The following ZNF517 variants were observed in gnomAD, a reference collection of about 807,000 sequenced individuals.
The protein encoded by ZNF517 is zinc finger protein 517.
Under a neutral mutation model 12.1 loss-of-function variants are expected in ZNF517, and 12 were observed. The ratio of observed to expected loss-of-function variants is 0.99; its 90% CI spans 0.63 to 1.61. The LOEUF (loss-of-function observed/expected upper bound fraction) is 1.61. ZNF517 is among the 40% of genes most tolerant of loss of function. The pLI, the probability that ZNF517 is intolerant of heterozygous loss-of-function variation, is 0.00. For synonymous variants in ZNF517, 388 were observed against 310.2 expected, an observed-to-expected ratio of 1.25 and a Z score of -2.63; for missense variants, 781 against 693.2, an observed-to-expected ratio of 1.13 and a Z score of -1.42.
chr8:144,810,250 C>A, downstream of ZNF517: 1 of 658,970 alleles, frequency 1.5e-6, no homozygotes, highest in Non-Finnish European at 2.8e-6. Context: ...CCTGTCACCC[C>A]TAACAGATGA....
At chr8:144,801,080 C>T (rs545602674) in intron 1 of ZNF517, among the ~76,000 whole-genome samples, 18 of 152,248 alleles carry the variant, frequency 1.2e-4, no homozygotes, top group Admixed American at 3.9e-4. Context: ...CCGCCCTCAT[C>T]GGCCTCCTAA....
At chr8:144,801,394 A>C (rs1826951511) in intron 1 of ZNF517, among the ~76,000 whole-genome samples, 1 of 152,056 alleles carries the variant, frequency 6.6e-6, no homozygotes, top group Admixed American at 6.6e-5. Flanking sequence ...AGTTGGTGGC[A>C]TGATCTCGGT....
In ZNF517 at chr8:144,802,959, CTG is replaced by C; in HGVS notation, c.33+13_33+14del. The C allele has an allele frequency of 6.2e-7, 1 of 1,613,922 alleles. No homozygotes were observed. Among genetic ancestry groups the C allele is most frequent in the Non-Finnish European group, 8.5e-7 (1 of 1,179,936 alleles). ...TGCCTGGACCTCAGGTGAGCACCCC[CTG>C]AGCCCGTCCATTGCCCCAGGAGACT... On this transcript the variant is annotated intron_variant, in intron 2 of 4. Transcript: ENST00000359971.
intron 2 of ZNF517, 188 bp from the exon 3 acceptor site, chr8:144,803,453 C>G: frequency 1.4e-6 from 1 of 693,558 alleles, no homozygotes; most frequent in Non-Finnish European, 2.3e-6. Context: ...CTCTTCCTCT[C>G]TGGGGCTTCT....
chr8:144,801,683 T>C (rs533744568), intron 1 of ZNF517, among the ~76,000 whole-genome samples: 3 of 152,166 alleles, frequency 2.0e-5, no homozygotes, highest in Non-Finnish European at 4.4e-5. Flanking sequence ...TTCACCGTGT[T>C]AGCCAGGATG....
rs1827474778 is a variant in ZNF517 at position 144,809,544 on chromosome 8, C to G, written c.*1149C>G. On this transcript the variant is annotated 3_prime_UTR_variant, in exon 5 of 5. Coordinates refer to ENST00000359971, the MANE Select transcript of ZNF517 (RefSeq NM_213605.3). ...CCCTTGGACATCAGGACTCCAGGTT[C>G]TTCGGCCTTTGGACTCAGGCTTGCC... The G allele has an allele frequency of 1.3e-5, 2 of 152,286 alleles. No homozygotes were observed. Among genetic ancestry groups the G allele is most frequent in the African/African-American group, 4.8e-5 (2 of 41,458 alleles). The allele number at this position is 152,286 out of a possible 1,614,324, so 9.4% of individuals were successfully genotyped here.
chr8:144,803,814 T>A, intron 3 of ZNF517, 47 bp downstream of exon 3: 4 of 1,593,888 alleles, frequency 2.5e-6, no homozygotes, highest in Middle Eastern at 1.7e-4. Flanking sequence ...TGCGTCTGTG[T>A]TAGCTTCAAA....
At chr8:144,805,424 G>A (rs535975113) in intron 4 of ZNF517, among the ~76,000 whole-genome samples, 128 of 152,280 alleles carry the variant, frequency 8.4e-4, no homozygotes, top group African/African-American at 2.8e-3. Flanking sequence ...TCCGCCTCCC[G>A]GGTTCACGCC....
rs566386991 is a variant in ZNF517 at position 144,806,713 on chromosome 8, G to C, written c.275-478G>C. 7.2e-5 allele frequency among the ~76,000 whole-genome samples: 11 copies of C among 152,178 alleles called. No individual in the cohort carries two copies. In the South Asian group the frequency reaches 2.1e-3, roughly 29 times the overall value. ...TTGGCCAAGCTGGTTTTGAACTCCT[G>C]ACCTCAGGTGATCGGCCCACCTCGG... On this transcript the variant is annotated intron_variant, in intron 4 of 4. Transcript: ENST00000359971.
At chr8:144,802,022 G>A (rs1826988789) in intron 1 of ZNF517, among the ~76,000 whole-genome samples, 1 of 152,028 alleles carries the variant, frequency 6.6e-6, no homozygotes, top group South Asian at 2.1e-4. Flanking sequence ...CACGCATTGA[G>A]ACCCTGTCTC....
intron 1 of ZNF517, chr8:144,800,413 AAC>A (rs1373083384): frequency 1.1e-6 from 1 of 918,034 alleles, no homozygotes; most frequent in Non-Finnish European, 1.3e-6. Flanking sequence ...GACATGAGCA[AAC>A]ACAAAGCAGC....
Position 144,808,934 on chromosome 8 carries a change from G to C in ZNF517, c.*539G>C, listed in dbSNP as rs1215144015. Reference sequence around the variant, plus strand: ...AGGTGGGAGGTTTGCTTAAGCCCAGGAGTTTGAGACCAGCTTGGGCAACAT... The same window carrying C: ...AGGTGGGAGGTTTGCTTAAGCCCAGCAGTTTGAGACCAGCTTGGGCAACAT... On this transcript the variant is annotated 3_prime_UTR_variant, in exon 5 of 5. Transcript: ENST00000359971. The C allele has an allele frequency of 6.6e-6, 1 of 152,380 alleles. No homozygotes were observed. The highest frequency in any genetic ancestry group is 1.9e-4 in the East Asian group (1 of 5,170). The allele number at this position is 152,380 out of a possible 1,614,324, so 9.4% of individuals were successfully genotyped here. A position where few individuals can be genotyped will look rare whatever the true frequency, so the allele number is the denominator to read the frequency against.
In ZNF517 at chr8:144,807,330, T is replaced by C; in HGVS notation, c.414T>C (p.His138=). 6.4e-7 allele frequency: 1 copy of C among 1,552,664 alleles called. No individual in the cohort carries two copies. ...VGGHPAPPHP[H]GGPEDGSDKP... ...GGCACCCTGCACCACCCCACCCGCATGGCGGTCCTGAGGACGGGTCAGATA... is the reference window on the plus strand; with the variant it reads ...GGCACCCTGCACCACCCCACCCGCACGGCGGTCCTGAGGACGGGTCAGATA... Residue 138 remains histidine (H), a synonymous_variant, in exon 5 of 5, where the codon CAT becomes CAC. Coordinates refer to ENST00000359971, the MANE Select transcript of ZNF517 (RefSeq NM_213605.3).
downstream of ZNF517, among the ~76,000 whole-genome samples, chr8:144,812,800 A>G (rs1308722005): frequency 6.6e-6 from 1 of 152,252 alleles, no homozygotes; most frequent in Non-Finnish European, 1.5e-5. Context: ...CCAAATGAGG[A>G]AGCCAAATGG....
intron 1 of ZNF517, among the ~76,000 whole-genome samples, chr8:144,802,093 A>G (rs1826994525): frequency 6.6e-6 from 1 of 152,198 alleles, no homozygotes; most frequent in Admixed American, 6.5e-5. Flanking sequence ...TGACGCAGAG[A>G]GAGCTAGAGT....
chr8:144,799,970 A>C (rs980489407), intron 1 of ZNF517, among the ~76,000 whole-genome samples: 6 of 152,160 alleles, frequency 3.9e-5, no homozygotes, highest in South Asian at 4.1e-4. Context: ...AAGAGTTAAC[A>C]TTTGAACTGA....
At chr8:144,805,193 A>G (rs1214728098) in intron 4 of ZNF517, among the ~76,000 whole-genome samples, 3 of 152,266 alleles carry the variant, frequency 2.0e-5, no homozygotes, top group African/African-American at 7.2e-5. Flanking sequence ...CCGCTAGACC[A>G]AGGAGCCCTC....
downstream of ZNF517, chr8:144,810,130 G>A (rs1016132409): frequency 1.4e-6 from 1 of 692,190 alleles, no homozygotes; most frequent in Non-Finnish European, 2.6e-6. Context: ...CTGCCCAGCA[G>A]AAGCCAGGAA....
In ZNF517 at chr8:144,807,638, C is replaced by A. The variant is rs145328614; in HGVS notation, c.722C>A (p.Ala241Asp). ...TTCCAGTGCGGCGAGTGCGGGAAGG[C>A]CTTCCGGCAGAGCACGCAGCTGGCT... The part of the protein sequence containing the change: ...KPFQCGECGK[A>D]FRQSTQLAAH... The change falls in exon 5 of 5, where the codon GCC (alanine) becomes GAC (aspartate). Residue 241 changes from alanine to aspartate, a missense_variant. By Grantham distance (126) the Ala-to-Asp change is moderately radical. Coordinates refer to ENST00000359971, the MANE Select transcript of ZNF517 (RefSeq NM_213605.3). The A allele has an allele frequency of 9.9e-6, 16 of 1,610,104 alleles. No individual in the cohort carries two copies. Among genetic ancestry groups the A allele is most frequent in the Non-Finnish European group, 1.4e-5 (16 of 1,179,286 alleles).
Sources: gnomAD v4.1 joint callset for allele counts (sites outside exome capture counted in the v4.1 genomes callset) on GRCh38, gnomAD v4.1.1 for gene constraint, MANE v1.5 for transcripts, NCBI Gene and HGNC (gene_info 2026-07-23, HGNC 2026-07-21) for gene names.